The following CNTN5 variants were observed in gnomAD, a reference collection of about 807,000 sequenced individuals.
CNTN5 encodes the protein contactin 5.
In CNTN5, 77 loss-of-function variants were observed where a neutral mutation model predicts 129.1. The ratio of observed to expected loss-of-function variants is 0.60; its 90% CI spans 0.50 to 0.72. The LOEUF is 0.72. CNTN5 is among the 30% of genes least tolerant of loss of function. The probability of loss-of-function intolerance (pLI) is 0.00; values close to 1 mark genes in which losing one functional copy is unlikely to be tolerated. For missense variants in CNTN5, 1,478 were observed against 1,328.8 expected, an observed-to-expected ratio of 1.11 and a Z score of -1.75; for synonymous variants, 509 against 465.6, an observed-to-expected ratio of 1.09 and a Z score of -1.20.
chr11:99,439,239 A>T (rs190180645), intron 2 of CNTN5, among the ~76,000 whole-genome samples: 1 of 152,092 alleles, frequency 6.6e-6, no homozygotes, highest in Non-Finnish European at 1.5e-5. Flanking sequence ...GAGAGCAGAG[A>T]AGGAATCAGG....
At chr11:100,221,957 G>A (rs80066818) in intron 15 of CNTN5, among the ~76,000 whole-genome samples, 3,745 of 152,258 alleles carry the variant, frequency 0.025, 163 homozygotes, top group African/African-American at 0.086. Flanking sequence ...CTAAATTGTG[G>A]AGGTTCTCTC....
chr11:100,210,523 T>C (rs1054266905), intron 15 of CNTN5, among the ~76,000 whole-genome samples: 1 of 150,364 alleles, frequency 6.7e-6, no homozygotes, highest in African/African-American at 2.4e-5. Flanking sequence ...AATTCAAAGA[T>C]TTAGGAGCTT....
At chr11:99,727,083 G>A (rs1380648601) in intron 3 of CNTN5, among the ~76,000 whole-genome samples, 1 of 150,322 alleles carries the variant, frequency 6.7e-6, no homozygotes, top group Non-Finnish European at 1.5e-5. Flanking sequence ...GAGGCTGGTG[G>A]ATCATGAGGT....
intron 9 of CNTN5, among the ~76,000 whole-genome samples, chr11:100,037,668 G>T (rs1336284871): frequency 1.3e-5 from 2 of 152,162 alleles, no homozygotes; most frequent in Non-Finnish European, 2.9e-5. Context: ...TCTATTCAGA[G>T]ATTCAACTTC....
At chr11:99,791,504 G>A (rs1945741695) in intron 3 of CNTN5, among the ~76,000 whole-genome samples, 1 of 151,928 alleles carries the variant, frequency 6.6e-6, no homozygotes, top group African/African-American at 2.4e-5. Context: ...TCATCTATGT[G>A]TGTGTATTTA....
intron 9 of CNTN5, among the ~76,000 whole-genome samples, chr11:100,014,575 G>A (rs10160420): frequency 0.1 from 15,736 of 151,434 alleles, 930 homozygotes; most frequent in Middle Eastern, 0.23. Flanking sequence ...GTGAGACTCC[G>A]TCTCAAAAAA....
chr11:99,386,180 G>T (rs1295964704), intron 2 of CNTN5, among the ~76,000 whole-genome samples: 1 of 152,168 alleles, frequency 6.6e-6, no homozygotes, highest in Non-Finnish European at 1.5e-5. Context: ...GGTAATGTCA[G>T]GTTCCCCTGA....
In CNTN5 at chr11:100,260,857, C is replaced by G. The variant is rs568721472; in HGVS notation, c.2164+4939C>G. ...TAATATCATACTAAATGGGCAAAAA[C>G]TGGAAGCATCCCCTTTGAAAACTGG... On this transcript the variant is annotated intron_variant, in intron 17 of 24. Transcript: ENST00000524871. Among the ~76,000 whole-genome samples, 8 of 152,256 alleles carry G rather than the reference C, an allele frequency of 5.3e-5. No individual in the cohort carries two copies. The South Asian group carries it at 1.7e-3, about 32-fold the overall frequency.
intron 6 of CNTN5, among the ~76,000 whole-genome samples, chr11:99,861,872 A>G (rs1206687448): frequency 6.6e-6 from 1 of 152,164 alleles, no homozygotes; most frequent in African/African-American, 2.4e-5. Flanking sequence ...ATTTATACCT[A>G]CTGTTGTTGT....
intron 4 of CNTN5, among the ~76,000 whole-genome samples, chr11:99,820,594 C>T (rs74465504): frequency 0.054 from 891 of 16,362 alleles, 5 homozygotes; most frequent in African/African-American, 0.15. Context: ...GCAGGATGAA[C>T]GGCACCTGTT....
intron 9 of CNTN5, among the ~76,000 whole-genome samples, chr11:100,017,259 C>G (rs1189063376): frequency 6.6e-6 from 1 of 151,990 alleles, no homozygotes; most frequent in Non-Finnish European, 1.5e-5. Context: ...TACAGACACA[C>G]AGAGGAAGAA....
intron 8 of CNTN5, among the ~76,000 whole-genome samples, chr11:99,958,351 T>C (rs1189048599): frequency 1.3e-5 from 2 of 152,200 alleles, no homozygotes; most frequent in East Asian, 3.8e-4. Flanking sequence ...CATACACAAA[T>C]ATTTCAAGGC....
intron 15 of CNTN5, among the ~76,000 whole-genome samples, chr11:100,214,697 A>C (rs1949103735): frequency 1.3e-5 from 2 of 152,094 alleles, no homozygotes; most frequent in Non-Finnish European, 2.9e-5. Flanking sequence ...CAACCTTTGC[A>C]CACCTAACCC....
chr11:99,183,045 A>G (rs12146429), intron 1 of CNTN5, among the ~76,000 whole-genome samples: 33,354 of 152,030 alleles, frequency 0.22, 3,766 homozygotes, highest in Middle Eastern at 0.27. Context: ...TGTTGAATCA[A>G]TGACTGCTTA....
intron 18 of CNTN5, among the ~76,000 whole-genome samples, chr11:100,281,717 TCTTAGATTTGCC>T (rs1219047356): frequency 1.3e-5 from 2 of 152,178 alleles, no homozygotes; most frequent in Non-Finnish European, 2.9e-5. Context: ...AGGCCAAAAC[TCTTAGATTTGCC>T]CTTTTGAGGC....
chr11:99,645,150 C>G (rs1218648261), intron 3 of CNTN5, among the ~76,000 whole-genome samples: 1 of 145,466 alleles, frequency 6.9e-6, no homozygotes, highest in Non-Finnish European at 1.5e-5. Context: ...GTCCCAGCTG[C>G]TCGGGAGGCT....
chr11:99,965,159 C>T (rs965949014), intron 8 of CNTN5, among the ~76,000 whole-genome samples: 4 of 152,106 alleles, frequency 2.6e-5, no homozygotes, highest in African/African-American at 9.7e-5. Flanking sequence ...TCTTTATTTC[C>T]TTTAATTCTG....
intron 8 of CNTN5, among the ~76,000 whole-genome samples, chr11:99,962,487 T>C (rs1950976582): frequency 6.6e-6 from 1 of 152,046 alleles, no homozygotes; most frequent in African/African-American, 2.4e-5. Flanking sequence ...GGACATGAAC[T>C]CATCCTTTTT....
At chr11:100,200,432 T>C (rs1417471578) in intron 15 of CNTN5, among the ~76,000 whole-genome samples, 1 of 151,978 alleles carries the variant, frequency 6.6e-6, no homozygotes, top group Non-Finnish European at 1.5e-5. Flanking sequence ...GTCGTAGGTA[T>C]ACAGAGCATT....
Sources: allele counts gnomAD v4.1 joint callset (sites outside exome capture counted in the v4.1 genomes callset), GRCh38; gene constraint gnomAD v4.1.1; transcripts MANE v1.5; gene names NCBI Gene and HGNC (gene_info 2026-07-23, HGNC 2026-07-21).